Variants in IPO9 observed in about 807,000 individuals in gnomAD.
The protein encoded by IPO9 is importin-9.
A neutral mutation model predicts 128.6 loss-of-function variants in IPO9; 28 were observed. The ratio of observed to expected loss-of-function variants is 0.22; its 90% CI spans 0.16 to 0.30. The LOEUF (loss-of-function observed/expected upper bound fraction) is 0.30. Ranked by LOEUF, IPO9 falls within the 10% of genes least tolerant of loss-of-function variation. IPO9 has a pLI of 1.00. For synonymous variants in IPO9, 455 were observed against 475.8 expected (o/e 0.96, Z 0.57); for missense variants, 935 against 1,293.9 (o/e 0.72, Z 4.26).
At chr1:201,863,323 T>G (rs2678206) in intron 13 of IPO9, 125 bp from the exon 14 acceptor site, 940,613 of 946,784 alleles carry the variant, frequency 0.99, 467,493 homozygotes, top group East Asian at 1. Context: ...TCGCACTCCA[T>G]CCTGGGTGAC....
intron 1 of IPO9, 86 bp downstream of exon 1, chr1:201,829,458 C>T (rs2102863821): frequency 7.5e-7 from 1 of 1,342,036 alleles, no homozygotes; most frequent in Non-Finnish European, 9.8e-7. Flanking sequence ...CATGGGGAGC[C>T]TGAGCCAGTT....
At chr1:201,840,002 A>C (rs886328168) in intron 1 of IPO9, among the ~76,000 whole-genome samples, 9 of 152,240 alleles carry the variant, frequency 5.9e-5, no homozygotes, top group African/African-American at 2.2e-4. Flanking sequence ...GACATACAAA[A>C]AGTGTTTAAA....
intron 1 of IPO9, among the ~76,000 whole-genome samples, chr1:201,842,195 G>C (rs1680047726): frequency 2.0e-5 from 3 of 152,136 alleles, no homozygotes; most frequent in African/African-American, 2.4e-5. Context: ...CTTTGGGTTT[G>C]ATTAATTTGC....
chr1:201,835,852 C>T (rs1014317715), intron 1 of IPO9, among the ~76,000 whole-genome samples: 2 of 152,122 alleles, frequency 1.3e-5, no homozygotes, highest in African/African-American at 4.8e-5. Context: ...TGGCTCACTC[C>T]TGTAATCCCA....
chr1:201,855,984 C>T (rs1455116899), intron 10 of IPO9, 50 bp downstream of exon 10: 3 of 1,425,126 alleles, frequency 2.1e-6, no homozygotes, highest in Admixed American at 2.5e-5. Context: ...GAAAGTGCAA[C>T]TTGAAGAATA....
intron 1 of IPO9, among the ~76,000 whole-genome samples, chr1:201,842,661 T>C (rs1680055374): frequency 6.6e-6 from 1 of 152,222 alleles, no homozygotes; most frequent in African/African-American, 2.4e-5. Context: ...AGTCCGCCCT[T>C]GGGTCTTCGA....
rs746861588 is a variant in IPO9, at chr1:201,857,205, C to G, written c.1221+11C>G. ...CAAGACTTGTTGCTGGTAAGTTTAC[C>G]TTGATACTTCAGCCACATAATTTCT... On this transcript the variant is annotated intron_variant, in intron 11 of 23. Transcript: ENST00000361565. 13 of 1,516,580 alleles carry G rather than the reference C, an allele frequency of 8.6e-6. No individual in the cohort carries two copies. In the East Asian group the frequency reaches 2.9e-4, roughly 34 times the overall value. The allele number at this position is 1,516,580 out of a possible 1,614,324, so 93.9% of individuals were successfully genotyped here.
chr1:201,881,374 G>T lies in IPO9; in HGVS notation c.*5320G>T, dbSNP rs1174589135. 1.3e-5 allele frequency: 2 copies of T among 152,242 alleles called. No individual in the cohort carries two copies. The highest frequency in any genetic ancestry group is 2.9e-5 in the Non-Finnish European group (2 of 68,046). 9.4% of individuals were successfully genotyped at this position (152,242 alleles called of 1,614,324 possible). ...ACCTATCAAAGGTCACCCTGCAAGT[G>T]TGTGATTATAGTCCAAGCAGCTTGT... On this transcript the variant is annotated 3_prime_UTR_variant, in exon 24 of 24. Coordinates refer to ENST00000361565, the MANE Select transcript of IPO9 (RefSeq NM_018085.5).
At chr1:201,846,713 A>G (rs1393932112) in intron 1 of IPO9, among the ~76,000 whole-genome samples, 1 of 152,016 alleles carries the variant, frequency 6.6e-6, no homozygotes, top group Admixed American at 6.6e-5. Context: ...CTTGTCTCCC[A>G]GGCTGGAGTA....
At chr1:201,871,859 C>T (rs1353616354) in intron 19 of IPO9, among the ~76,000 whole-genome samples, 1 of 152,180 alleles carries the variant, frequency 6.6e-6, no homozygotes, top group Non-Finnish European at 1.5e-5. Context: ...CTATATATTT[C>T]TGGTCTCTGT....
At chr1:201,862,649 A>C (rs548232963) in intron 13 of IPO9, among the ~76,000 whole-genome samples, 20 of 151,602 alleles carry the variant, frequency 1.3e-4, no homozygotes, top group Admixed American at 1.1e-3. Flanking sequence ...TCTACTAAAA[A>C]TACAAAATTA....
intron 13 of IPO9, among the ~76,000 whole-genome samples, chr1:201,859,893 AG>A (rs1680410386): frequency 6.6e-6 from 1 of 151,848 alleles, no homozygotes; most frequent in Admixed American, 6.6e-5. Context: ...CAGGAGGCAG[AG>A]GTTGCAGAGA....
chr1:201,858,608 G>A (rs1009701116), intron 12 of IPO9, 55 bp downstream of exon 12: 1 of 1,058,948 alleles, frequency 9.4e-7, no homozygotes, highest in Admixed American at 2.5e-5. Context: ...TTCTTAAAAA[G>A]TCTTGAAAGG....
In IPO9 at chr1:201,863,435, G is replaced by T; in HGVS notation, c.1469-13G>T. On this transcript the variant is annotated splice_polypyrimidine_tract_variant and intron_variant, in intron 13 of 23. Transcript: ENST00000361565. Reference sequence around the variant, plus strand: ...TCATTTTCCAGCCCCTAATTGTTCTGTCTTTCTCCCAGTGTCTCCTTTCCT... The same window carrying T: ...TCATTTTCCAGCCCCTAATTGTTCTTTCTTTCTCCCAGTGTCTCCTTTCCT... 1.7e-5 allele frequency: 27 copies of T among 1,562,516 alleles called. No homozygotes were observed. The highest frequency in any genetic ancestry group is 2.3e-5 in the Non-Finnish European group (26 of 1,140,394).
Position 201,869,648 on chromosome 1 carries a change from T to C in IPO9, c.2063T>C (p.Leu688Pro), listed in dbSNP as rs112555361. The change falls in exon 17 of 24, where the codon CTT (leucine) becomes CCT (proline). Residue 688 changes from leucine (L) to proline (P), a missense_variant. Around this residue, in one of 3 missense-constraint regions of IPO9, gnomAD observed 741 missense variants for 1,019.1 expected, o/e 0.73. Transcript: ENST00000361565. ...AATACAAAGCCTCCCCTTTCCCAGC[T>C]TCTCATCTGCCAAGCTTTCCCTGCT... ...VRNTKPPLSQLLICQAFPAVA... is the reference protein window; with the variant it reads ...VRNTKPPLSQPLICQAFPAVA... 6.2e-7 allele frequency: 1 copy of C among 1,614,214 alleles called. No individual in the cohort carries two copies. Among genetic ancestry groups the C allele is most frequent in the Non-Finnish European group, 8.5e-7 (1 of 1,180,024 alleles).
intron 1 of IPO9, among the ~76,000 whole-genome samples, chr1:201,840,413 G>A (rs567618814): frequency 6.6e-6 from 1 of 152,292 alleles, no homozygotes; most frequent in Middle Eastern, 3.4e-3. Flanking sequence ...GGCAAGACTG[G>A]AAAGATGCTC....
At chr1:201,864,781 G>GTT (rs1240446695) in intron 14 of IPO9, among the ~76,000 whole-genome samples, 2 of 152,116 alleles carry the variant, frequency 1.3e-5, no homozygotes, top group Non-Finnish European at 2.9e-5. Flanking sequence ...TTCATTCTCT[G>GTT]TTATATATAT....
chr1:201,863,678 C>A, intron 14 of IPO9, 71 bp downstream of exon 14: 2 of 1,378,262 alleles, frequency 1.5e-6, no homozygotes, highest in Non-Finnish European at 2.0e-6. Flanking sequence ...TCACAGTTTT[C>A]CAGTGTATTA....
At chr1:201,847,835 T>C (rs1680148835) in intron 3 of IPO9, among the ~76,000 whole-genome samples, 197 bp downstream of exon 3, 1 of 152,226 alleles carries the variant, frequency 6.6e-6, no homozygotes, top group Non-Finnish European at 1.5e-5. Flanking sequence ...ATTCCAGTTT[T>C]GCTTTTTACA....
Sources: allele counts gnomAD v4.1 joint callset (sites outside exome capture counted in the v4.1 genomes callset), GRCh38; gene constraint gnomAD v4.1.1; regional missense constraint gnomAD v4.1.1; transcripts MANE v1.5; gene names NCBI Gene and HGNC (gene_info 2026-07-23, HGNC 2026-07-21).